QSER1: variants seen among roughly 807,000 people sequenced by gnomAD.
The protein encoded by QSER1 is glutamine and serine rich 1, also known as glutamine and serine-rich protein 1.
In QSER1, 49 loss-of-function variants were observed where a neutral mutation model predicts 158.5. The ratio of observed to expected loss-of-function variants is 0.31; its 90% CI spans 0.25 to 0.39. The LOEUF is 0.39. Among genes scored for constraint, QSER1 ranks in the 10% least tolerant of loss-of-function variants. QSER1 has a pLI of 1.00. For missense variants in QSER1, 1,754 were observed against 2,010.3 expected, an observed-to-expected ratio of 0.87 and a Z score of 2.44; for synonymous variants, 650 against 715.5, an observed-to-expected ratio of 0.91 and a Z score of 1.46.
chr11:32,973,041 A>G (rs79899895), intron 10 of QSER1, among the ~76,000 whole-genome samples: 2,969 of 152,294 alleles, frequency 0.019, 45 homozygotes, highest in South Asian at 0.038. Context: ...AGCCAGAGAC[A>G]TTACTAGAAA....
chr11:32,975,729 C>A, intron 12 of QSER1: 2 of 884,328 alleles, frequency 2.3e-6, no homozygotes, highest in Non-Finnish European at 2.8e-6. Context: ...TGGCCTTATC[C>A]CACTTAATTG....
At position 32,936,886 on chromosome 11, in the gene QSER1, CA is replaced by C. The variant is rs547114682; in HGVS notation, c.4177+1452del. ...CTGTTAGCATAAATATCTGATAATA[CA>C]TTTCTAAAGAATTCTCATTTCATTA... On this transcript the variant is annotated intron_variant, in intron 4 of 12. Transcript: ENST00000650167. Among the ~76,000 whole-genome samples the C allele has an allele frequency of 2.5e-3, 385 of 152,296 alleles. 4 individuals carry two copies. The highest frequency in any genetic ancestry group is 9.0e-3 in the African/African-American group (376 of 41,562).
rs1213469872 is a variant in QSER1 at position 32,934,854 on chromosome 11, A to T, written c.3596A>T (p.Asn1199Ile). ...EEENQDLMHF[N>I]LQKKRAKGKG... ...GAAAACCAAGATTTAATGCATTTTAACCTTCAAAAGAAAAGAGCTAAAGGA... is the reference window on the plus strand; with the variant it reads ...GAAAACCAAGATTTAATGCATTTTATCCTTCAAAAGAAAAGAGCTAAAGGA... The change falls in exon 4 of 13, where the codon AAC becomes ATC. Residue 1199 changes from asparagine to isoleucine, a missense_variant. Physicochemically the swap from Asn to Ile is moderately radical, Grantham distance 149 (BLOSUM62 -3). Transcript: ENST00000650167. 1 of 1,613,958 alleles carries T rather than the reference A, an allele frequency of 6.2e-7. No homozygotes were observed. Among genetic ancestry groups the T allele is most frequent in the East Asian group, 2.2e-5 (1 of 44,904 alleles).
intron 8 of QSER1, among the ~76,000 whole-genome samples, chr11:32,961,447 AT>A (rs928211424): frequency 6.6e-6 from 1 of 152,152 alleles, no homozygotes; most frequent in African/African-American, 2.4e-5. Flanking sequence ...CCAATAATTA[AT>A]TTTTTTCACA....
chr11:32,940,142 T>A (rs1352465869), intron 4 of QSER1, among the ~76,000 whole-genome samples: 2 of 152,150 alleles, frequency 1.3e-5, no homozygotes, highest in Non-Finnish European at 2.9e-5. Flanking sequence ...GGATTTTAGA[T>A]TTCTGATTCA....
chr11:32,960,759 A>G (rs1434395413), intron 8 of QSER1, among the ~76,000 whole-genome samples: 1 of 152,202 alleles, frequency 6.6e-6, no homozygotes, highest in Non-Finnish European at 1.5e-5. Flanking sequence ...TGGTAATTTG[A>G]GTGACCACTA....
chr11:32,939,345 TA>T (rs922949149), intron 4 of QSER1, among the ~76,000 whole-genome samples: 1 of 152,162 alleles, frequency 6.6e-6, no homozygotes, highest in African/African-American at 2.4e-5. Flanking sequence ...GTTGAAAGCT[TA>T]AAAAAATGTG....
At chr11:32,970,723 G>A (rs1457888731) in intron 10 of QSER1, among the ~76,000 whole-genome samples, 3 of 152,124 alleles carry the variant, frequency 2.0e-5, no homozygotes, top group African/African-American at 7.2e-5. Flanking sequence ...AGTGTTTTCT[G>A]CTTAACTGCT....
intron 3 of QSER1, among the ~76,000 whole-genome samples, chr11:32,931,374 G>A (rs1852043329): frequency 6.6e-6 from 1 of 152,018 alleles, no homozygotes; most frequent in Non-Finnish European, 1.5e-5. Context: ...GAGCCCAGGA[G>A]TTCAAGATAG....
rs752356921 is a variant in QSER1, at chr11:32,934,443, T to G, written c.3185T>G (p.Val1062Gly). Reference protein sequence around the residue: ...GNQVTVNLSPVPALQSKMTLD... With the variant: ...GNQVTVNLSPGPALQSKMTLD... Reference sequence around the variant, plus strand: ...CAGGTTACTGTGAACCTTTCACCAGTACCTGCCCTTCAGTCAAAAATGACT... The same window carrying G: ...CAGGTTACTGTGAACCTTTCACCAGGACCTGCCCTTCAGTCAAAAATGACT... Residue 1062 changes from valine to glycine, a missense_variant, in exon 4 of 13, where the codon GTA becomes GGA. Val to Gly is a moderately radical substitution (Grantham distance 109). Transcript: ENST00000650167. 13 of 1,613,744 alleles carry G rather than the reference T, an allele frequency of 8.1e-6. No homozygotes were observed. In the African/African-American group the frequency reaches 1.6e-4, roughly 20 times the overall value.
At chr11:32,971,234 A>G (rs1852849918) in intron 10 of QSER1, among the ~76,000 whole-genome samples, 1 of 152,114 alleles carries the variant, frequency 6.6e-6, no homozygotes, top group Non-Finnish European at 1.5e-5. Context: ...TGCATTTCAA[A>G]GCAAAATTAC....
At position 32,932,791 on chromosome 11, in the gene QSER1, T is replaced by G; in HGVS notation, c.1533T>G (p.Ser511=). The G allele has an allele frequency of 6.2e-7, 1 of 1,614,008 alleles. No individual in the cohort carries two copies. Among genetic ancestry groups the G allele is most frequent in the South Asian group, 1.1e-5 (1 of 91,050 alleles). ...LYKTLTFSGS[S]QTVTPENQTL... is the part of the protein sequence containing the mutation. Reference sequence around the variant, plus strand: ...AAACATTGACTTTTTCTGGGTCATCTCAGACTGTAACTCCTGAAAATCAGA... The same window carrying G: ...AAACATTGACTTTTTCTGGGTCATCGCAGACTGTAACTCCTGAAAATCAGA... The change falls in exon 4 of 13, where the codon TCT becomes TCG. Residue 511 remains serine (S), a synonymous_variant. Coordinates refer to ENST00000650167, the MANE Select transcript of QSER1 (RefSeq NM_001076786.3).
In QSER1 at chr11:32,978,606, C is replaced by A. The variant is rs1273114047; in HGVS notation, c.*2132C>A. On this transcript the variant is annotated 3_prime_UTR_variant, in exon 13 of 13. Transcript: ENST00000650167. The stretch of plus-strand genomic sequence containing the variant: ...AGATGTTTCCTTAAGATGAATCTTA[C>A]ATTTCCCATAGAAAATAACCCATTT... 6.6e-6 allele frequency: 1 copy of A among 152,216 alleles called. No homozygotes were observed. Among genetic ancestry groups the A allele is most frequent in the African/African-American group, 2.4e-5 (1 of 41,454 alleles). 9.4% of individuals were successfully genotyped at this position (152,216 alleles called of 1,614,324 possible).
chr11:32,964,783 T>TAC (rs1203469328), intron 8 of QSER1, among the ~76,000 whole-genome samples: 2 of 107,154 alleles, frequency 1.9e-5, no homozygotes, highest in African/African-American at 7.3e-5. Context: ...CACACACACA[T>TAC]ACACACACAT....
rs185331469 is a variant in QSER1 at position 32,953,246 on chromosome 11, G to C, written c.4178-611G>C. Among the ~76,000 whole-genome samples, 223 of 149,930 alleles carry C rather than the reference G, an allele frequency of 1.5e-3. 3 individuals are homozygous for C. Among genetic ancestry groups the C allele is most frequent in the Non-Finnish European group, 3.4e-4 (23 of 67,474 alleles). The stretch of plus-strand genomic sequence containing the variant: ...TTCTAGTGCTGTTTCAGAATGTTTT[G>C]GGTTTTTTTTTTTCCCACATGTATT... On this transcript the variant is annotated intron_variant, in intron 4 of 12. Transcript: ENST00000650167.
At chr11:32,899,260 T>G (rs1466179348) in intron 1 of QSER1, among the ~76,000 whole-genome samples, 1 of 152,218 alleles carries the variant, frequency 6.6e-6, no homozygotes, top group Non-Finnish European at 1.5e-5. Flanking sequence ...AGAACTCTGC[T>G]TCAGTGTGGG....
At chr11:32,898,828 C>T (rs1851590030) in intron 1 of QSER1, among the ~76,000 whole-genome samples, 2 of 152,338 alleles carry the variant, frequency 1.3e-5, no homozygotes, top group South Asian at 4.1e-4. Context: ...CCTGCCTTGG[C>T]CTCTCAGGCG....
intron 1 of QSER1, among the ~76,000 whole-genome samples, chr11:32,923,737 A>G (rs1005919540): frequency 6.6e-6 from 1 of 151,976 alleles, no homozygotes; most frequent in African/African-American, 2.4e-5. Context: ...TGGGAGGCCA[A>G]GGCGGGTGGA....
chr11:32,979,505 A>T lies in QSER1; in HGVS notation c.*3031A>T, dbSNP rs1327756337. On this transcript the variant is annotated 3_prime_UTR_variant, in exon 13 of 13. Coordinates refer to ENST00000650167, the MANE Select transcript of QSER1 (RefSeq NM_001076786.3). ...TGTATAATGACTTATGAATTAGCAC[A>T]GTTAAGTTGACACTAGAAACTGCCC... The T allele has an allele frequency of 6.6e-6, 1 of 152,258 alleles. No homozygotes were observed. The highest frequency in any genetic ancestry group is 1.5e-5 in the Non-Finnish European group (1 of 68,050). 9.4% of individuals were successfully genotyped at this position (152,258 alleles called of 1,614,324 possible).
Sources: gnomAD v4.1 joint callset for allele counts (sites outside exome capture counted in the v4.1 genomes callset) on GRCh38, gnomAD v4.1.1 for gene constraint, MANE v1.5 for transcripts, NCBI Gene and HGNC (gene_info 2026-07-23, HGNC 2026-07-21) for gene names.